Variants in ANO3 observed in about 807,000 individuals in gnomAD.
ANO3 encodes anoctamin 3.
A neutral mutation model predicts 144.8 loss-of-function variants in ANO3; 99 were observed. The ratio of observed to expected loss-of-function variants is 0.68; its 90% CI spans 0.58 to 0.81. ANO3 has a LOEUF of 0.81. Among genes scored for constraint, ANO3 ranks in the 30% least tolerant of loss-of-function variants. The pLI, the probability that ANO3 is intolerant of heterozygous loss-of-function variation, is 0.00. For missense variants in ANO3, 905 were observed against 1,202.2 expected (o/e 0.75, Z 3.66); for synonymous variants, 414 against 392.6 (o/e 1.05, Z -0.64).
Position 26,515,145 on chromosome 11 carries a change from A to G in ANO3, c.592-1682A>G, listed in dbSNP as rs1861813727. ...TCTGGCATTGTCAATTTTCATTTTA[A>G]TAATCCTTTGTCTTTAATTTGAAAC... On this transcript the variant is annotated intron_variant, in intron 5 of 26. Coordinates refer to ENST00000256737, the MANE Select transcript of ANO3 (RefSeq NM_031418.4). Among the ~76,000 whole-genome samples, 4 of 152,160 alleles carry G rather than the reference A, an allele frequency of 2.6e-5. 1 individual carries two copies. The South Asian group carries it at 8.3e-4, about 31-fold the overall frequency.
At chr11:26,261,385 G>T (rs567790777) in intron 1 of ANO3, among the ~76,000 whole-genome samples, 2 of 152,066 alleles carry the variant, frequency 1.3e-5, no homozygotes, top group African/African-American at 2.4e-5. Flanking sequence ...GCCCTGAAAG[G>T]TTTTCTGACC....
intron 13 of ANO3, 97 bp from the exon 14 acceptor site, chr11:26,559,622 A>G (rs913776947): frequency 1.2e-6 from 1 of 827,862 alleles, no homozygotes; most frequent in Non-Finnish European, 2.1e-6. Context: ...ATATGATTCT[A>G]TTTGAGAAAA....
intron 4 of ANO3, among the ~76,000 whole-genome samples, chr11:26,488,879 C>T (rs371010239): frequency 2.0e-4 from 30 of 152,288 alleles, no homozygotes; most frequent in Admixed American, 1.4e-3. Context: ...TTATTTGGCC[C>T]TGCCCACATC....
chr11:26,379,299 G>T (rs536137746), intron 1 of ANO3, among the ~76,000 whole-genome samples: 1 of 152,240 alleles, frequency 6.6e-6, no homozygotes, highest in East Asian at 1.9e-4. Context: ...TTTTTTCTGA[G>T]TTTGATACAA....
intron 1 of ANO3, among the ~76,000 whole-genome samples, chr11:26,422,587 A>C (rs926343076): frequency 3.0e-4 from 45 of 152,030 alleles, no homozygotes; most frequent in Non-Finnish European, 1.3e-4. Context: ...CACATTTCCT[A>C]TGGGTTTACA....
intron 4 of ANO3, among the ~76,000 whole-genome samples, chr11:26,491,770 C>T (rs1860719405): frequency 6.6e-6 from 1 of 152,048 alleles, no homozygotes. Context: ...CTACATAGTC[C>T]CCACTTCCAT....
chr11:26,333,428 C>T (rs1855110521), intron 1 of ANO3, among the ~76,000 whole-genome samples: 1 of 151,842 alleles, frequency 6.6e-6, no homozygotes, highest in Non-Finnish European at 1.5e-5. Context: ...ACTACAGGCG[C>T]CCGCCACCAA....
At chr11:26,192,173 T>C (rs1851491444) in intron 1 of ANO3, among the ~76,000 whole-genome samples, 1 of 152,230 alleles carries the variant, frequency 6.6e-6, no homozygotes, top group African/African-American at 2.4e-5. Flanking sequence ...AGTAACAATA[T>C]GGAATTTGTC....
chr11:26,421,267 G>C (rs1269822294), intron 1 of ANO3, among the ~76,000 whole-genome samples: 1 of 152,030 alleles, frequency 6.6e-6, no homozygotes, highest in Non-Finnish European at 1.5e-5. Context: ...CATAGCTCAA[G>C]TAATCACTCA....
Position 26,332,179 on chromosome 11 carries a change from T to C in ANO3, c.-97T>C. 1 of 1,607,734 alleles carries C rather than the reference T, an allele frequency of 6.2e-7. No homozygotes were observed. The highest frequency in any genetic ancestry group is 8.5e-7 in the Non-Finnish European group (1 of 1,176,988). On this transcript the variant is annotated 5_prime_UTR_variant, in exon 1 of 27. Coordinates refer to ENST00000256737, the MANE Select transcript of ANO3 (RefSeq NM_031418.4). The stretch of plus-strand genomic sequence containing the variant: ...AGGTGTCGGATTGCAGTGCGCTCGC[T>C]GAGGCTCCGGACCTTGGAGCGTCTA...
intron 17 of ANO3, among the ~76,000 whole-genome samples, chr11:26,609,703 G>A (rs558164528): frequency 6.6e-6 from 1 of 152,100 alleles, no homozygotes; most frequent in African/African-American, 2.4e-5. Flanking sequence ...ATAAACTTAG[G>A]AATTCAGATA....
chr11:26,491,623 A>G (rs41338044), intron 4 of ANO3, among the ~76,000 whole-genome samples: 1,738 of 152,324 alleles, frequency 0.011, 21 homozygotes, highest in Non-Finnish European at 0.018. Flanking sequence ...AAGAAACAGC[A>G]ATATTATTCT....
At chr11:26,347,550 A>G (rs1855527936) in intron 1 of ANO3, among the ~76,000 whole-genome samples, 1 of 152,200 alleles carries the variant, frequency 6.6e-6, no homozygotes, top group Admixed American at 6.5e-5. Context: ...TGTCAAATTA[A>G]TTATAGAATC....
chr11:26,590,369 C>A (rs888025057), intron 14 of ANO3, among the ~76,000 whole-genome samples: 1 of 152,110 alleles, frequency 6.6e-6, no homozygotes, highest in Non-Finnish European at 1.5e-5. Context: ...AAAATTGAGG[C>A]CTAAGGAGTG....
rs114384877 is a variant in ANO3, at chr11:26,396,780, C to T, written c.47-45138C>T. Among the ~76,000 whole-genome samples the T allele has an allele frequency of 8.3e-3, 1,248 of 150,998 alleles. 21 individuals carry two copies. The highest frequency in any genetic ancestry group is 0.029 in the African/African-American group (1,188 of 41,186). On this transcript the variant is annotated intron_variant, in intron 1 of 26. Coordinates refer to ENST00000256737, the MANE Select transcript of ANO3 (RefSeq NM_031418.4). ...ACACAGGGAGGGGAACATCACACGT[C>T]GGGGGCCTGTCAGGTGGTGGGGGAC...
intron 1 of ANO3, among the ~76,000 whole-genome samples, chr11:26,192,677 T>C (rs1590185350): frequency 6.6e-6 from 1 of 152,164 alleles, no homozygotes; most frequent in Admixed American, 6.5e-5. Context: ...AGAAGTAATG[T>C]AATTGGATTA....
intron 17 of ANO3, among the ~76,000 whole-genome samples, chr11:26,602,849 G>T (rs1396402937): frequency 1.3e-5 from 2 of 151,796 alleles, no homozygotes; most frequent in Non-Finnish European, 2.9e-5. Context: ...TCATGTAATT[G>T]CTACCCCTCC....
chr11:26,586,890 CT>C (rs1851302765), intron 14 of ANO3, among the ~76,000 whole-genome samples: 1 of 152,018 alleles, frequency 6.6e-6, no homozygotes, highest in Non-Finnish European at 1.5e-5. Context: ...GCATGCCAAA[CT>C]TTTCACCAGA....
chr11:26,578,224 G>T (rs1851040555), intron 14 of ANO3, among the ~76,000 whole-genome samples: 1 of 152,138 alleles, frequency 6.6e-6, no homozygotes, highest in South Asian at 2.1e-4. Context: ...AGTGTCTCCA[G>T]GAGACAGAAG....
Sources: gnomAD v4.1 joint callset for allele counts (sites outside exome capture counted in the v4.1 genomes callset) on GRCh38, gnomAD v4.1.1 for gene constraint, MANE v1.5 for transcripts, NCBI Gene and HGNC (gene_info 2026-07-23, HGNC 2026-07-21) for gene names.